The following TOP1MT variants were observed in gnomAD, a reference collection of about 807,000 sequenced individuals.
TOP1MT encodes DNA topoisomerase I, mitochondrial.
Under a neutral mutation model 73.9 loss-of-function variants are expected in TOP1MT, and 80 were observed. The ratio of observed to expected loss-of-function variants is 1.08; its 90% CI spans 0.90 to 1.30. TOP1MT has a LOEUF of 1.30. Among genes scored for constraint, TOP1MT ranks in the 50% most tolerant of loss-of-function variants. The pLI, the probability that TOP1MT is intolerant of heterozygous loss-of-function variation, is 0.00. For synonymous variants in TOP1MT, 338 were observed against 326.4 expected (o/e 1.04, Z -0.38); for missense variants, 815 against 808.0 (o/e 1.01, Z -0.10).
At chr8:143,331,464 G>C in intron 1 of TOP1MT, 125 bp from the exon 2 acceptor site, 1 of 717,940 alleles carries the variant, frequency 1.4e-6, no homozygotes, top group East Asian at 2.8e-5. Context: ...CACCTCACGG[G>C]GGAGGAAAAC....
chr8:143,309,657 C>T, intron 13 of TOP1MT, 114 bp from the exon 14 acceptor site: 1 of 1,538,148 alleles, frequency 6.5e-7, no homozygotes, highest in South Asian at 1.2e-5. Context: ...CCAGAGCCGC[C>T]TGGTGTAGCT....
At chr8:143,347,601 G>A (rs1324870893), upstream of TOP1MT, among the ~76,000 whole-genome samples, 1 of 152,134 alleles carries the variant, frequency 6.6e-6, no homozygotes, top group Non-Finnish European at 1.5e-5. Context: ...CCTCTTAAAA[G>A]TAGTTACTAT....
At chr8:143,309,660 G>C in intron 13 of TOP1MT, 117 bp from the exon 14 acceptor site, 1 of 1,537,874 alleles carries the variant, frequency 6.5e-7, no homozygotes, top group South Asian at 1.2e-5. Context: ...GAGCCGCCTG[G>C]TGTAGCTGGG....
chr8:143,310,027 C>T (rs1285064973), intron 13 of TOP1MT, 41 bp downstream of exon 13: 2 of 1,604,100 alleles, frequency 1.2e-6, no homozygotes, highest in Admixed American at 1.7e-5. Context: ...CCAGGCCCCC[C>T]ATAGGCCACA....
chr8:143,322,643 CCA>C (rs148805123), intron 7 of TOP1MT, among the ~76,000 whole-genome samples: 1 of 54,972 alleles, frequency 1.8e-5, no homozygotes, highest in Non-Finnish European at 3.0e-5. Flanking sequence ...CACACACACG[CCA>C]CACGCACACC....
chr8:143,341,328 G>A lies in TOP1MT; in HGVS notation c.29+1892C>T, dbSNP rs923789474. On this transcript the variant is annotated intron_variant, in intron 2 of 5. Coordinates refer to the TOP1MT transcript ENST00000518007. This position sits in a 1 kb window ranked among gnomAD's most constrained non-coding sequence, Gnocchi z 4.1. Reference sequence around the variant, plus strand: ...CAGAGCCCCCTTCCGGCTGGGCACCGCCTGCAGGGCCATGCCCTTCTATCT... The same window carrying A: ...CAGAGCCCCCTTCCGGCTGGGCACCACCTGCAGGGCCATGCCCTTCTATCT... Among the ~76,000 whole-genome samples, 7 of 152,042 alleles carry A rather than the reference G, an allele frequency of 4.6e-5. No individual in the cohort carries two copies. The highest frequency in any genetic ancestry group is 7.4e-5 in the Non-Finnish European group (5 of 68,022).
At position 143,325,442 on chromosome 8, in the gene TOP1MT, T is replaced by G. The variant is rs749786463; in HGVS notation, c.575A>C (p.Glu192Ala). 2 of 1,613,622 alleles carry G rather than the reference T, an allele frequency of 1.2e-6. No homozygotes were observed. Among genetic ancestry groups the G allele is most frequent in the East Asian group, 4.5e-5 (2 of 44,864 alleles). Residue 192 changes from glutamate to alanine, a missense_variant, in exon 5 of 14, where the codon GAG (glutamate) becomes GCG (alanine). Physicochemically the swap from Glu to Ala is moderately radical, Grantham distance 107 (BLOSUM62 -1). This residue lies in a region of TOP1MT where 751 missense variants were observed against 725.4 expected (regional missense o/e 1.04). Transcript: ENST00000329245. The part of the protein sequence containing the change: ...HQEKIGNFKI[E>A]PPGLFRGRGD... ...ACGGCCACGGAACAAGCCAGGCGGCTCAATCTTGAAGTTGCCTATTTTTTC... is the reference window on the plus strand; with the variant it reads ...ACGGCCACGGAACAAGCCAGGCGGCGCAATCTTGAAGTTGCCTATTTTTTC...
At chr8:143,323,209 C>T (rs1214989073) in intron 7 of TOP1MT, among the ~76,000 whole-genome samples, 3 of 108,856 alleles carry the variant, frequency 2.8e-5, no homozygotes, top group African/African-American at 1.1e-4. Flanking sequence ...CACACAGGCA[C>T]GCCACACAGG....
intron 7 of TOP1MT, among the ~76,000 whole-genome samples, chr8:143,323,656 T>C (rs1478626512): frequency 4.2e-5 from 1 of 23,622 alleles, no homozygotes; most frequent in African/African-American, 1.2e-4. Context: ...GCCACACACA[T>C]GCTCACCACA....
In TOP1MT at chr8:143,330,237, G is replaced by A. The variant is rs981583574; in HGVS notation, c.239-766C>T. Among the ~76,000 whole-genome samples the A allele has an allele frequency of 5.9e-5, 9 of 152,248 alleles. No homozygotes were observed. In the South Asian group the frequency reaches 6.2e-4, roughly 11 times the overall value. On this transcript the variant is annotated intron_variant, in intron 2 of 13. Transcript: ENST00000329245. ...GAGGCTCGGCCCCACTGGGCCCCAC[G>A]CGACACCACCACTCCCCGGACTGTC...
chr8:143,342,392 TG>T, intron 2 of TOP1MT, among the ~76,000 whole-genome samples: 1 of 129,816 alleles, frequency 7.7e-6, no homozygotes, highest in Non-Finnish European at 1.5e-5. Flanking sequence ...AGAGCCTCGC[TG>T]TTATTATTAT....
At position 143,321,930 on chromosome 8, in the gene TOP1MT, C is replaced by CGCCACACGCAT. The variant is rs1563758561; in HGVS notation, c.961-545_961-544insATGCGTGTGGC. Among the ~76,000 whole-genome samples, 321 of 58,638 alleles carry CGCCACACGCAT rather than the reference C, an allele frequency of 5.5e-3. 8 individuals carry two copies. The highest frequency in any genetic ancestry group is 7.9e-3 in the Non-Finnish European group (237 of 29,846). 38.5% of individuals were successfully genotyped at this position (58,638 alleles called of 152,430 possible). On this transcript the variant is annotated intron_variant, in intron 7 of 13. Transcript: ENST00000329245. ...CACACAGGCACGCCACACACATGCA[C>CGCCACACGCAT]GCCACACACGCACGCCACACACGCA... is the stretch of plus-strand genomic sequence containing the variant.
upstream of TOP1MT, among the ~76,000 whole-genome samples, chr8:143,337,498 C>T (rs1817003015): frequency 6.6e-6 from 1 of 152,174 alleles, no homozygotes; most frequent in Non-Finnish European, 1.5e-5. Flanking sequence ...AAATTGACAA[C>T]CTGATCCTAA....
upstream of TOP1MT, among the ~76,000 whole-genome samples, chr8:143,339,293 C>T (rs1220130242): frequency 2.0e-5 from 3 of 152,206 alleles, no homozygotes; most frequent in Non-Finnish European, 2.9e-5. Context: ...TGGTATGCAT[C>T]GTTCTTCTCA....
chr8:143,326,494 C>T, intron 3 of TOP1MT, 150 bp from the exon 4 acceptor site: 1 of 1,015,896 alleles, frequency 9.8e-7, no homozygotes, highest in Non-Finnish European at 1.4e-6. Flanking sequence ...GTCCTGCGGC[C>T]CCGTAAATAG....
upstream of TOP1MT, among the ~76,000 whole-genome samples, chr8:143,339,334 G>A (rs7002579): frequency 0.6 from 91,420 of 152,160 alleles, 31,461 homozygotes; most frequent in South Asian, 0.84. Flanking sequence ...CCCCCAGCAC[G>A]TCTCCACTGG....
rs1030280422 is a variant in TOP1MT, at chr8:143,344,183, C to G, written c.-39+733G>C. 4 of 152,164 alleles carry G rather than the reference C, an allele frequency of 2.6e-5. No homozygotes were observed. The highest frequency in any genetic ancestry group is 5.9e-5 in the Non-Finnish European group (4 of 68,046). The allele number at this position is 152,164 out of a possible 1,614,324, so 9.4% of individuals were successfully genotyped here. ...CTCAAAGATGACACCAAGGTCTGTG[C>G]TTGAGAAGACAGAAGGAGCCGCTTC... On this transcript the variant is annotated intron_variant, in intron 1 of 5. Transcript: ENST00000518007. The surrounding 1 kb of genome is among the most constrained non-coding windows in gnomAD (Gnocchi z 4.6).
chr8:143,353,945 CAAAG>C (rs1253404766), intron 1 of TOP1MT, among the ~76,000 whole-genome samples: 2 of 92,074 alleles, frequency 2.2e-5, no homozygotes, highest in South Asian at 4.1e-4. Context: ...GCCTGGGCGA[CAAAG>C]AGAGACTCCA....
intron 1 of TOP1MT, among the ~76,000 whole-genome samples, chr8:143,351,186 G>A (rs2130460539): frequency 6.6e-6 from 1 of 152,206 alleles, no homozygotes; most frequent in South Asian, 2.1e-4. Context: ...GTTGTATTTG[G>A]AGTTGAGCTC....
Sources: allele counts gnomAD v4.1 joint callset (sites outside exome capture counted in the v4.1 genomes callset), GRCh38; gene constraint gnomAD v4.1.1; regional missense constraint gnomAD v4.1.1; non-coding constraint Gnocchi (gnomAD v3.1); transcripts MANE v1.5; gene names NCBI Gene and HGNC (gene_info 2026-07-23, HGNC 2026-07-21).